CACNA2D4: variants seen among roughly 807,000 people sequenced by gnomAD.
CACNA2D4 encodes voltage-dependent calcium channel subunit alpha-2/delta-4.
In CACNA2D4, 157 loss-of-function variants were observed where a neutral mutation model predicts 163.8. The observed-to-expected ratio is 0.96, with a 90% confidence interval of 0.84 to 1.09. CACNA2D4 has a LOEUF of 1.09. CACNA2D4 is among the 50% of genes least tolerant of loss of function. CACNA2D4 has a pLI of 0.00. For missense variants in CACNA2D4, 1,410 were observed against 1,479.9 expected (o/e 0.95, Z 0.78); for synonymous variants, 598 against 586.9 (o/e 1.02, Z -0.27).
chr12:1,912,091 G>A (rs756555399), intron 3 of CACNA2D4, among the ~76,000 whole-genome samples: 2 of 152,220 alleles, frequency 1.3e-5, no homozygotes, highest in Non-Finnish European at 2.9e-5. Flanking sequence ...TGTGATGGGG[G>A]TGGGGGTACA....
chr12:1,841,025 C>A (rs1332072661), intron 25 of CACNA2D4, among the ~76,000 whole-genome samples: 3 of 152,272 alleles, frequency 2.0e-5, no homozygotes, highest in African/African-American at 7.2e-5. Flanking sequence ...CAGACACACA[C>A]ATGGCCTCTG....
rs186004852 is a variant in CACNA2D4, at chr12:1,828,174, G to A, written c.2551+12565C>T. Reference sequence around the variant, plus strand: ...ATGCTGGCGCCGGGCAGCAGCCCTGGGCAGAGGGGCAGGCTCGCCCTGCAG... The same window carrying A: ...ATGCTGGCGCCGGGCAGCAGCCCTGAGCAGAGGGGCAGGCTCGCCCTGCAG... On this transcript the variant is annotated intron_variant, in intron 26 of 37. Transcript: ENST00000382722. This position sits in a 1 kb window ranked among gnomAD's most constrained non-coding sequence, Gnocchi z 4.2. 1,599 of 1,546,704 alleles carry A rather than the reference G, an allele frequency of 1.0e-3. 1 individual carries two copies. Among genetic ancestry groups the A allele is most frequent in the Non-Finnish European group, 1.3e-3 (1,458 of 1,145,244 alleles).
At chr12:1,897,082 C>A (rs1866427193) in intron 6 of CACNA2D4, among the ~76,000 whole-genome samples, 1 of 147,270 alleles carries the variant, frequency 6.8e-6, no homozygotes, top group Admixed American at 6.8e-5. Flanking sequence ...TGTAATCCAG[C>A]ACTTTGGAAG....
rs56927160 is a variant in CACNA2D4 at position 1,815,603 on chromosome 12, C to T, written c.2552-3880G>A. 5.5e-3 allele frequency among the ~76,000 whole-genome samples: 800 copies of T among 146,472 alleles called. 64 individuals carry two copies. Among genetic ancestry groups the T allele is most frequent in the African/African-American group, 0.019 (690 of 36,108 alleles). On this transcript the variant is annotated intron_variant, in intron 26 of 37. Coordinates refer to ENST00000382722, the MANE Select transcript of CACNA2D4 (RefSeq NM_172364.5). Reference sequence around the variant, plus strand: ...AGTTTTGATCCCCAGCACCTAGAATCGTACCTATCACAGTGTGACTCCATA... The same window carrying T: ...AGTTTTGATCCCCAGCACCTAGAATTGTACCTATCACAGTGTGACTCCATA...
rs1863330992 is a variant in CACNA2D4 at position 1,801,593 on chromosome 12, T to C, written c.2773A>G (p.Ser925Gly). 6.3e-7 allele frequency: 1 copy of C among 1,591,332 alleles called. No homozygotes were observed. Among genetic ancestry groups the C allele is most frequent in the African/African-American group, 1.3e-5 (1 of 74,386 alleles). ...VDGAVLTQLL[S>G]MGVFSQVTMY... ...ACTTACTGGCTGAACACCCCCATGC[T>C]GAGCAGCTGGGTCAGGACAGCACCA... The change falls in exon 30 of 38, where the codon AGC becomes GGC. Residue 925 changes from serine (S) to glycine (G), a missense_variant. Coordinates refer to ENST00000382722, the MANE Select transcript of CACNA2D4 (RefSeq NM_172364.5).
intron 34 of CACNA2D4, 117 bp from the exon 35 acceptor site, chr12:1,797,652 A>T: frequency 4.0e-6 from 3 of 750,118 alleles, no homozygotes; most frequent in East Asian, 3.0e-5. Flanking sequence ...GTCCCTCCTC[A>T]GGCAGTTCTC....
chr12:1,828,500 G>C lies in CACNA2D4; in HGVS notation c.2551+12239C>G, dbSNP rs1037789574. 2.6e-5 allele frequency among the ~76,000 whole-genome samples: 4 copies of C among 152,196 alleles called. No individual in the cohort carries two copies. Among genetic ancestry groups the C allele is most frequent in the African/African-American group, 4.8e-5 (2 of 41,434 alleles). ...CAGGTAAGTCTCTGTGAGCTTGCTG[G>C]GGTCCCCAACAGGAGAAGAGCTCTG... On this transcript the variant is annotated intron_variant, in intron 26 of 37. Transcript: ENST00000382722. The surrounding 1 kb of genome is among the most constrained non-coding windows in gnomAD (Gnocchi z 4.2).
chr12:1,861,690 G>A (rs1026050542), intron 18 of CACNA2D4, among the ~76,000 whole-genome samples: 12 of 152,198 alleles, frequency 7.9e-5, no homozygotes, highest in African/African-American at 2.2e-4. Context: ...TGATCCACCT[G>A]CCTCGGCCTC....
At chr12:1,884,963 C>G (rs1386904349) in intron 10 of CACNA2D4, 24 bp downstream of exon 10, 2 of 1,610,108 alleles carry the variant, frequency 1.2e-6, no homozygotes, top group Non-Finnish European at 1.7e-6. Flanking sequence ...GTCCTCCCCT[C>G]CCAGGCCTCA....
At chr12:1,910,252 A>C (rs1866781031) in intron 3 of CACNA2D4, among the ~76,000 whole-genome samples, 2 of 152,372 alleles carry the variant, frequency 1.3e-5, no homozygotes, top group South Asian at 4.1e-4. Flanking sequence ...AAGACTAGGG[A>C]GATAGAGAAG....
chr12:1,904,311 A>G (rs1043272563), intron 6 of CACNA2D4, among the ~76,000 whole-genome samples: 1 of 152,078 alleles, frequency 6.6e-6, no homozygotes, highest in Non-Finnish European at 1.5e-5. Context: ...TGATAGCACA[A>G]CAGGGTAACT....
chr12:1,853,887 C>A, intron 23 of CACNA2D4, 64 bp downstream of exon 23: 1 of 1,332,906 alleles, frequency 7.5e-7, no homozygotes, highest in Admixed American at 1.9e-5. Flanking sequence ...GAGAGGGGTC[C>A]CAACTTAGCC....
At chr12:1,873,404 A>G (rs984639233) in intron 18 of CACNA2D4, among the ~76,000 whole-genome samples, 3 of 152,240 alleles carry the variant, frequency 2.0e-5, no homozygotes, top group Admixed American at 6.5e-5. Context: ...GCATTTGGTT[A>G]GGACTCTGCC....
At chr12:1,914,351 G>C (rs1205751450) in intron 2 of CACNA2D4, among the ~76,000 whole-genome samples, 4 of 152,184 alleles carry the variant, frequency 2.6e-5, no homozygotes, top group African/African-American at 9.7e-5. Context: ...CCATAAATCG[G>C]CACAGAAAGC....
At chr12:1,855,694 T>C (rs1388294701) in intron 22 of CACNA2D4, among the ~76,000 whole-genome samples, 1 of 152,206 alleles carries the variant, frequency 6.6e-6, no homozygotes, top group East Asian at 1.9e-4. Context: ...GGGAAAAAGA[T>C]GACAGACTCT....
rs1863252332 is a variant in CACNA2D4, at chr12:1,799,906, C to G, written c.2974+94G>C. The stretch of plus-strand genomic sequence containing the variant: ...AACGATGCTTCAGGGTCACCTATCC[C>G]CACTGTCACCCACCCCACAGGGAAT... On this transcript the variant is annotated intron_variant, in intron 33 of 37. Coordinates refer to ENST00000382722, the MANE Select transcript of CACNA2D4 (RefSeq NM_172364.5). The surrounding 1 kb of genome is among the most constrained non-coding windows in gnomAD (Gnocchi z 4.7). 1 of 1,397,902 alleles carries G rather than the reference C, an allele frequency of 7.2e-7. No individual in the cohort carries two copies. Among genetic ancestry groups the G allele is most frequent in the Non-Finnish European group, 9.9e-7 (1 of 1,012,266 alleles). 86.6% of individuals were successfully genotyped at this position (1,397,902 alleles called of 1,614,324 possible).
chr12:1,811,820 G>A (rs1863721962), intron 26 of CACNA2D4, 97 bp from the exon 27 acceptor site: 5 of 1,230,078 alleles, frequency 4.1e-6, no homozygotes, highest in Non-Finnish European at 4.7e-6. Flanking sequence ...CGCAGGAACT[G>A]AGGAGAGAGA....
rs772168906 is a variant in CACNA2D4, at chr12:1,883,020, G to A, written c.1352-20C>T. On this transcript the variant is annotated intron_variant, in intron 12 of 37. Coordinates refer to ENST00000382722, the MANE Select transcript of CACNA2D4 (RefSeq NM_172364.5). This position sits in a 1 kb window ranked among gnomAD's most constrained non-coding sequence, Gnocchi z 4.5. ...AGTAGCCTGCGGTGGGGAAGGCCGC[G>A]TGGGTGTGGAAGGCAGGGCTTCCCT... The A allele has an allele frequency of 1.6e-5, 25 of 1,607,780 alleles. No homozygotes were observed. The highest frequency in any genetic ancestry group is 6.7e-5 in the South Asian group (6 of 89,758).
rs538778128 is a variant in CACNA2D4, at chr12:1,914,677, C to G, written c.309+177G>C. Among the ~76,000 whole-genome samples, 3 of 152,352 alleles carry G rather than the reference C, an allele frequency of 2.0e-5. No individual in the cohort carries two copies. In the South Asian group the frequency reaches 6.2e-4, roughly 32 times the overall value. ...CTTGACCACGCCCCCGAACCACCCC[C>G]ACTGCCCTGCTTTGGGAGTTGAGAA... On this transcript the variant is annotated intron_variant, in intron 2 of 37. Transcript: ENST00000382722.
Sources: allele counts gnomAD v4.1 joint callset (sites outside exome capture counted in the v4.1 genomes callset), GRCh38; gene constraint gnomAD v4.1.1; non-coding constraint Gnocchi (gnomAD v3.1); transcripts MANE v1.5; gene names NCBI Gene and HGNC (gene_info 2026-07-23, HGNC 2026-07-21).